The following PHACTR2 variants were observed in gnomAD, a reference collection of about 807,000 sequenced individuals.
PHACTR2 encodes chromosome 6 open reading frame 56.
A neutral mutation model predicts 76.0 loss-of-function variants in PHACTR2; 30 were observed. That is an observed-to-expected ratio of 0.39 (90% CI 0.30 to 0.54). The LOEUF (loss-of-function observed/expected upper bound fraction) is 0.54, where lower values mean the gene tolerates loss of function less well. Ranked by LOEUF, PHACTR2 falls within the 20% of genes least tolerant of loss-of-function variation. PHACTR2 has a pLI of 0.61. For synonymous variants in PHACTR2, 292 were observed against 292.5 expected (o/e 1.00, Z 0.02); for missense variants, 696 against 781.1 (o/e 0.89, Z 1.30).
chr6:143,625,051 G>A lies in PHACTR2; in HGVS notation c.13+16729G>A, dbSNP rs1026997364. On this transcript the variant is annotated intron_variant, in intron 1 of 11. Transcript: ENST00000305766. This position sits in a 1 kb window ranked among gnomAD's most constrained non-coding sequence, Gnocchi z 4.3. ...CATGCCTGTAATCCTAGCTACAGGG[G>A]AGGCTGAGGCAGGAGAATTGCTTGA... Among the ~76,000 whole-genome samples, 2 of 152,064 alleles carry A rather than the reference G, an allele frequency of 1.3e-5. No individual in the cohort carries two copies. The highest frequency in any genetic ancestry group is 1.5e-5 in the Non-Finnish European group (1 of 68,016).
At position 143,765,746 on chromosome 6, in the gene PHACTR2, A is replaced by G. The variant is rs199837004; in HGVS notation, c.1180A>G (p.Thr394Ala). Residue 394 changes from threonine to alanine, a missense_variant, in exon 6 of 13, where the codon ACC (threonine) becomes GCC (alanine). Transcript: ENST00000440869. The surrounding 1 kb of genome is among the most constrained non-coding windows in gnomAD (Gnocchi z 4.1). Reference sequence around the variant, plus strand: ...TTGGGCTGAAGAGCCGACGAACAGAACCACTCTCTACTCAGGCACTGGCTT... The same window carrying G: ...TTGGGCTGAAGAGCCGACGAACAGAGCCACTCTCTACTCAGGCACTGGCTT... ...LLWAEEPTNR[T>A]TLYSGTGLSV... 3.0e-5 allele frequency: 48 copies of G among 1,614,120 alleles called. 1 individual carries two copies. The highest frequency in any genetic ancestry group is 4.5e-5 in the East Asian group (2 of 44,908).
At chr6:143,673,845 A>T (rs1255554626), upstream of PHACTR2, among the ~76,000 whole-genome samples, 1 of 151,968 alleles carries the variant, frequency 6.6e-6, no homozygotes, top group Non-Finnish European at 1.5e-5. Flanking sequence ...GGCAGAGGCA[A>T]GGTATTTTGT....
At position 143,625,124 on chromosome 6, in the gene PHACTR2, C is replaced by T. The variant is rs1469877318; in HGVS notation, c.13+16802C>T. ...TAAGCCAAGATTGCACCACTACACTCCAACATGGAGTGTAGAGACAGAATG... is the reference window on the plus strand; with the variant it reads ...TAAGCCAAGATTGCACCACTACACTTCAACATGGAGTGTAGAGACAGAATG... On this transcript the variant is annotated intron_variant, in intron 1 of 11. Coordinates refer to the PHACTR2 transcript ENST00000305766. The surrounding 1 kb of genome is among the most constrained non-coding windows in gnomAD (Gnocchi z 4.3). Among the ~76,000 whole-genome samples, 2 of 151,550 alleles carry T rather than the reference C, an allele frequency of 1.3e-5. No homozygotes were observed. The highest frequency in any genetic ancestry group is 2.4e-5 in the African/African-American group (1 of 41,148).
At chr6:143,817,754 G>A (rs903877645) in intron 12 of PHACTR2, among the ~76,000 whole-genome samples, 4 of 152,176 alleles carry the variant, frequency 2.6e-5, no homozygotes, top group Admixed American at 2.6e-4. Flanking sequence ...GGCAGGCACA[G>A]AAAGATAAAC....
At chr6:143,758,708 A>G (rs1209182987) in intron 4 of PHACTR2, among the ~76,000 whole-genome samples, 1 of 152,196 alleles carries the variant, frequency 6.6e-6, no homozygotes, top group Non-Finnish European at 1.5e-5. Context: ...AGCCCAAGTA[A>G]GTTCAGAGAT....
intron 1 of PHACTR2, among the ~76,000 whole-genome samples, chr6:143,567,123 T>C (rs1015403401): frequency 6.6e-5 from 10 of 152,152 alleles, no homozygotes; most frequent in African/African-American, 2.4e-4. Context: ...CTCTTGTCAC[T>C]GTAACACTTT....
rs1441346556 is a variant in PHACTR2, at chr6:143,695,492, A to G, written c.47-16524A>G. On this transcript the variant is annotated intron_variant, in intron 1 of 12. Transcript: ENST00000440869. The surrounding 1 kb of genome is among the most constrained non-coding windows in gnomAD (Gnocchi z 4.4). The stretch of plus-strand genomic sequence containing the variant: ...GCGTCTTACTATAGACAGTGGAAAT[A>G]ACTGATAAGGATTTAATTAATTGCT... Among the ~76,000 whole-genome samples the G allele has an allele frequency of 6.6e-6, 1 of 152,240 alleles. No individual in the cohort carries two copies. The highest frequency in any genetic ancestry group is 2.4e-5 in the African/African-American group (1 of 41,464).
At position 143,774,238 on chromosome 6, in the gene PHACTR2, A is replaced by C; in HGVS notation, c.1589+23A>C. 3 of 1,596,046 alleles carry C rather than the reference A, an allele frequency of 1.9e-6. No homozygotes were observed. The highest frequency in any genetic ancestry group is 2.6e-6 in the Non-Finnish European group (3 of 1,166,456). ...CAGGTAATTGCTAACATTTTAGGAC[A>C]GTACTGACTAATTTGTATTTTTCTC... On this transcript the variant is annotated intron_variant, in intron 8 of 12. Coordinates refer to ENST00000440869, the MANE Select transcript of PHACTR2 (RefSeq NM_001100164.2). This position sits in a 1 kb window ranked among gnomAD's most constrained non-coding sequence, Gnocchi z 5.4.
rs922743481 is a variant in PHACTR2 at position 143,623,590 on chromosome 6, G to GTAA, written c.13+15283_13+15285dup. On this transcript the variant is annotated intron_variant, in intron 1 of 11. Transcript: ENST00000305766. The surrounding 1 kb of genome is among the most constrained non-coding windows in gnomAD (Gnocchi z 5.9). ...ACTCTGACTCGAAATAATAATAATA[G>GTAA]TAATAATAATAATAATACCAAATGA... is the stretch of plus-strand genomic sequence containing the variant. Among the ~76,000 whole-genome samples, 6 of 151,562 alleles carry GTAA rather than the reference G, an allele frequency of 4.0e-5. No individual in the cohort carries two copies. The highest frequency in any genetic ancestry group is 1.2e-4 in the African/African-American group (5 of 41,288).
Position 143,652,066 on chromosome 6 carries a change from CAAAA to C in PHACTR2, c.13+43756_13+43759del, listed in dbSNP as rs34096520. Among the ~76,000 whole-genome samples the C allele has an allele frequency of 4.6e-5, 5 of 107,804 alleles. No individual in the cohort carries two copies. Among genetic ancestry groups the C allele is most frequent in the Non-Finnish European group, 7.9e-5 (4 of 50,524 alleles). The allele number at this position is 107,804 out of a possible 152,430, so 70.7% of individuals were successfully genotyped here. A position where few individuals can be genotyped will look rare whatever the true frequency, so the allele number is the denominator to read the frequency against. ...AGAAATTAAAGTTCTGTTGTTTAAG[CAAAA>C]AAAAAAAAAAAGGCCGGTAAACACT... On this transcript the variant is annotated intron_variant, in intron 1 of 11. Coordinates refer to the PHACTR2 transcript ENST00000305766. The surrounding 1 kb of genome is among the most constrained non-coding windows in gnomAD (Gnocchi z 4.5).
Position 143,801,190 on chromosome 6 carries a change from G to A in PHACTR2, c.1846-5867G>A, listed in dbSNP as rs9373403. 0.27 allele frequency among the ~76,000 whole-genome samples: 40,725 copies of A among 151,842 alleles called. 6,169 individuals carry two copies. The highest frequency in any genetic ancestry group is 0.39 in the South Asian group (1,863 of 4,812). On this transcript the variant is annotated intron_variant, in intron 11 of 12. Coordinates refer to ENST00000440869, the MANE Select transcript of PHACTR2 (RefSeq NM_001100164.2). This position sits in a 1 kb window ranked among gnomAD's most constrained non-coding sequence, Gnocchi z 4.6. ...TATGTGTCTTGGGGTTGCTCTTCTC[G>A]GGCAATCTCTTTGTGGTGTATTCTC...
At position 143,822,708 on chromosome 6, in the gene PHACTR2, G is replaced by T. The variant is rs1420766379; in HGVS notation, c.1923-966G>T. On this transcript the variant is annotated intron_variant, in intron 12 of 12. Coordinates refer to ENST00000440869, the MANE Select transcript of PHACTR2 (RefSeq NM_001100164.2). This position sits in a 1 kb window ranked among gnomAD's most constrained non-coding sequence, Gnocchi z 5.5. ...AAATGCTAGGCAGAGTTGCATAAAT[G>T]TGGAATTGCAGAAGTAGGCTGAAGA... Among the ~76,000 whole-genome samples the T allele has an allele frequency of 6.6e-6, 1 of 152,196 alleles. No homozygotes were observed.
chr6:143,557,672 G>T lies in PHACTR2; in HGVS notation c.217+20465G>T, dbSNP rs958604373. On this transcript the variant is annotated intron_variant, in intron 1 of 11. Coordinates refer to the PHACTR2 transcript ENST00000367584. The surrounding 1 kb of genome is among the most constrained non-coding windows in gnomAD (Gnocchi z 5.5). ...CTTGGCTGACTTCTTTCTCCGTAAGGTCTTGTCGCGAGTCCTAGAGGCAAC... is the reference window on the plus strand; with the variant it reads ...CTTGGCTGACTTCTTTCTCCGTAAGTTCTTGTCGCGAGTCCTAGAGGCAAC... 1.3e-5 allele frequency: 2 copies of T among 152,214 alleles called. No individual in the cohort carries two copies. Among genetic ancestry groups the T allele is most frequent in the East Asian group, 1.9e-4 (1 of 5,198 alleles). The allele number at this position is 152,214 out of a possible 1,614,324, so 9.4% of individuals were successfully genotyped here. A position where few individuals can be genotyped will look rare whatever the true frequency, so the allele number is the denominator to read the frequency against.
chr6:143,555,622 C>T (rs1775162881), intron 1 of PHACTR2, among the ~76,000 whole-genome samples: 7 of 152,116 alleles, frequency 4.6e-5, no homozygotes, highest in Admixed American at 4.6e-4. Flanking sequence ...TTTCCTCTTG[C>T]TCCAGTTTGC....
At chr6:143,779,561 G>A in intron 9 of PHACTR2, among the ~76,000 whole-genome samples, 1 of 152,040 alleles carries the variant, frequency 6.6e-6, no homozygotes, top group Non-Finnish European at 1.5e-5. Context: ...TGTTGGCCAG[G>A]CTGGTCTCGA....
chr6:143,613,822 A>G (rs1776018005), intron 1 of PHACTR2, among the ~76,000 whole-genome samples: 1 of 152,200 alleles, frequency 6.6e-6, no homozygotes, highest in Admixed American at 6.5e-5. Context: ...TCCACAGGTT[A>G]TTAAATAAAC....
In PHACTR2 at chr6:143,654,072, A is replaced by G. The variant is rs1347027374; in HGVS notation, c.13+45750A>G. On this transcript the variant is annotated intron_variant, in intron 1 of 11. Coordinates refer to the PHACTR2 transcript ENST00000305766. This position sits in a 1 kb window ranked among gnomAD's most constrained non-coding sequence, Gnocchi z 4.6. ...AAGGATTTGAAAAGACATTTCTCCAAAGAAGATATTCAGATATCTAATAAA... is the reference window on the plus strand; with the variant it reads ...AAGGATTTGAAAAGACATTTCTCCAGAGAAGATATTCAGATATCTAATAAA... Among the ~76,000 whole-genome samples, 1 of 152,220 alleles carries G rather than the reference A, an allele frequency of 6.6e-6. No individual in the cohort carries two copies. The highest frequency in any genetic ancestry group is 1.5e-5 in the Non-Finnish European group (1 of 68,042).
intron 12 of PHACTR2, among the ~76,000 whole-genome samples, chr6:143,812,410 C>G (rs1279760036): frequency 6.6e-6 from 1 of 152,216 alleles, no homozygotes; most frequent in Non-Finnish European, 1.5e-5. Context: ...CTTTTCTTGA[C>G]TAATGTGTTG....
intron 1 of PHACTR2, among the ~76,000 whole-genome samples, chr6:143,564,188 TGTGTGTGC>T (rs1268319888): frequency 0.023 from 2,038 of 87,550 alleles, 77 homozygotes; most frequent in Non-Finnish European, 0.033. Context: ...TGTGTATGTG[TGTGTGTGC>T]ATATATATAT....
Sources: gnomAD v4.1 joint callset for allele counts (sites outside exome capture counted in the v4.1 genomes callset) on GRCh38, gnomAD v4.1.1 for gene constraint, Gnocchi (gnomAD v3.1) non-coding constraint, MANE v1.5 for transcripts, NCBI Gene and HGNC (gene_info 2026-07-23, HGNC 2026-07-21) for gene names.